Variants in UNC5C observed in about 807,000 individuals in gnomAD.
The protein encoded by UNC5C is unc-5 netrin receptor C.
Under a neutral mutation model 99.8 loss-of-function variants are expected in UNC5C, and 47 were observed. That is an observed-to-expected ratio of 0.47 (90% confidence interval 0.37 to 0.60). The LOEUF is 0.60. Among genes scored for constraint, UNC5C ranks in the 20% least tolerant of loss-of-function variants. The pLI is 0.00. For synonymous variants in UNC5C, 487 were observed against 452.2 expected, an observed-to-expected ratio of 1.08 and a Z score of -0.98; for missense variants, 1,062 against 1,165.9, an observed-to-expected ratio of 0.91 and a Z score of 1.30.
intron 12 of UNC5C, among the ~76,000 whole-genome samples, chr4:95,185,593 C>CAATT (rs1279188797): frequency 6.6e-6 from 1 of 152,070 alleles, no homozygotes; most frequent in Non-Finnish European, 1.5e-5. Context: ...AGTAGATTTT[C>CAATT]AATTAACTTT....
intron 12 of UNC5C, among the ~76,000 whole-genome samples, chr4:95,191,925 ACCT>A (rs1222226893): frequency 2.2e-4 from 3 of 13,656 alleles, no homozygotes; most frequent in African/African-American, 1.0e-3. Flanking sequence ...CCCCCTGCCC[ACCT>A]CCTCCCCTGC....
chr4:95,193,624 T>A (rs1285507555), intron 12 of UNC5C, among the ~76,000 whole-genome samples: 1 of 152,202 alleles, frequency 6.6e-6, no homozygotes, highest in Non-Finnish European at 1.5e-5. Context: ...CCTTGTCATT[T>A]GGGGCTGAGA....
chr4:95,432,460 T>A (rs1560830596), intron 1 of UNC5C, among the ~76,000 whole-genome samples: 1 of 152,116 alleles, frequency 6.6e-6, no homozygotes, highest in African/African-American at 2.4e-5. Flanking sequence ...AACTATTTCT[T>A]TATGTGAGTC....
chr4:95,329,117 C>A (rs1237838432), intron 2 of UNC5C, among the ~76,000 whole-genome samples: 3 of 152,026 alleles, frequency 2.0e-5, no homozygotes, highest in Non-Finnish European at 2.9e-5. Flanking sequence ...CATAGCAAGA[C>A]CCCATCTCTA....
At chr4:95,283,142 T>C (rs1161154160) in intron 3 of UNC5C, among the ~76,000 whole-genome samples, 5 of 152,188 alleles carry the variant, frequency 3.3e-5, no homozygotes, top group African/African-American at 1.2e-4. Context: ...CATGCTGTAA[T>C]TCTTCTTAGA....
chr4:95,374,441 G>C (rs1005369637), intron 1 of UNC5C, among the ~76,000 whole-genome samples: 16 of 151,994 alleles, frequency 1.1e-4, no homozygotes, highest in African/African-American at 3.9e-4. Context: ...TGCCTCTATG[G>C]CCATCCTGGT....
intron 1 of UNC5C, among the ~76,000 whole-genome samples, chr4:95,545,102 G>A (rs946733951): frequency 6.6e-6 from 1 of 152,158 alleles, no homozygotes; most frequent in South Asian, 2.1e-4. Flanking sequence ...CTTAGGGGGG[G>A]TTGCTTAAAA....
chr4:95,400,400 T>TA (rs1285247260), intron 1 of UNC5C, among the ~76,000 whole-genome samples: 1 of 139,196 alleles, frequency 7.2e-6, no homozygotes, highest in East Asian at 2.1e-4. Context: ...TTTTTTTTTT[T>TA]TTTTTTTTTT....
chr4:95,277,322 C>A (rs933882523), intron 4 of UNC5C, among the ~76,000 whole-genome samples: 4 of 152,104 alleles, frequency 2.6e-5, no homozygotes, highest in African/African-American at 4.8e-5. Flanking sequence ...AGTTTGGAGG[C>A]CAACAAGGAC....
At chr4:95,484,652 C>T (rs1161854073) in intron 1 of UNC5C, among the ~76,000 whole-genome samples, 1 of 151,830 alleles carries the variant, frequency 6.6e-6, no homozygotes, top group Non-Finnish European at 1.5e-5. Flanking sequence ...GTATCCTTAC[C>T]CATGCAAACA....
chr4:95,522,106 C>T (rs558039817), intron 1 of UNC5C, among the ~76,000 whole-genome samples: 44 of 152,074 alleles, frequency 2.9e-4, no homozygotes, highest in Non-Finnish European at 5.0e-4. Context: ...ACAAATAAGT[C>T]CCTGGCTGAA....
intron 1 of UNC5C, among the ~76,000 whole-genome samples, chr4:95,536,538 C>T (rs902362719): frequency 1.3e-5 from 2 of 152,132 alleles, no homozygotes; most frequent in Non-Finnish European, 2.9e-5. Context: ...AGTCTGGCAT[C>T]ATCTTGTTAT....
intron 3 of UNC5C, 120 bp from the exon 4 acceptor site, chr4:95,278,482 T>C: frequency 6.0e-6 from 2 of 334,238 alleles, no homozygotes; most frequent in South Asian, 5.6e-5. Flanking sequence ...TTCTTTTTTC[T>C]TTTTTTTTTT....
At chr4:95,474,136 C>T (rs985012202) in intron 1 of UNC5C, among the ~76,000 whole-genome samples, 8 of 151,896 alleles carry the variant, frequency 5.3e-5, no homozygotes, top group Admixed American at 4.6e-4. Flanking sequence ...TATTTTTTCC[C>T]ATTTTGTCTA....
chr4:95,312,974 CTT>C (rs1742327826), intron 2 of UNC5C, among the ~76,000 whole-genome samples: 1 of 152,108 alleles, frequency 6.6e-6, no homozygotes, highest in South Asian at 2.1e-4. Context: ...TAGTCCAAAA[CTT>C]AGAAAATTCT....
chr4:95,464,481 T>A (rs1747710842), intron 1 of UNC5C, among the ~76,000 whole-genome samples: 1 of 152,156 alleles, frequency 6.6e-6, no homozygotes, highest in Non-Finnish European at 1.5e-5. Flanking sequence ...TACGAAAGGC[T>A]TTTTTTAAGT....
chr4:95,289,570 A>C (rs6810943), intron 3 of UNC5C, among the ~76,000 whole-genome samples: 1 of 151,800 alleles, frequency 6.6e-6, no homozygotes, highest in Admixed American at 6.6e-5. Flanking sequence ...ATATTTTTTT[A>C]AAAAAAGCTG....
In UNC5C at chr4:95,196,269, G is replaced by A. The variant is rs1737379091; in HGVS notation, c.2136+6462C>T. Among the ~76,000 whole-genome samples the A allele has an allele frequency of 2.0e-5, 3 of 151,992 alleles. 1 individual carries two copies. The highest frequency in any genetic ancestry group is 4.2e-4 in the South Asian group (2 of 4,812). ...CCTTTTTCATTAATCACCTGAAGAC[G>A]GGGGAAAAAGAAAAGCTCTGATATA... On this transcript the variant is annotated intron_variant, in intron 12 of 15. Coordinates refer to ENST00000453304, the MANE Select transcript of UNC5C (RefSeq NM_003728.4).
chr4:95,325,104 T>C (rs1360970707), intron 2 of UNC5C, among the ~76,000 whole-genome samples: 2 of 152,192 alleles, frequency 1.3e-5, no homozygotes, highest in African/African-American at 4.8e-5. Flanking sequence ...CGGCTTACTA[T>C]ATAAGGCATG....
Sources: gnomAD v4.1 joint callset for allele counts (sites outside exome capture counted in the v4.1 genomes callset) on GRCh38, gnomAD v4.1.1 for gene constraint, MANE v1.5 for transcripts, NCBI Gene and HGNC (gene_info 2026-07-23, HGNC 2026-07-21) for gene names.